Variants in MALRD1 observed in about 807,000 individuals in gnomAD.
MALRD1 encodes MAM and LDL-receptor class A domain-containing protein 1.
Under a neutral mutation model 242.1 loss-of-function variants are expected in MALRD1, and 247 were observed. That is an observed-to-expected ratio of 1.02 (90% CI 0.92 to 1.13). MALRD1 has a LOEUF of 1.13. MALRD1 is among the 50% of genes most tolerant of loss of function. The pLI is 0.00. For synonymous variants in MALRD1, 995 were observed against 866.6 expected (o/e 1.15, Z -2.60); for missense variants, 2,989 against 2,533.1 (o/e 1.18, Z -3.86).
At position 19,082,371 on chromosome 10, in the gene MALRD1, GTTA is replaced by G. The variant is rs569990245; in HGVS notation, c.341-5460_341-5458del. On this transcript the variant is annotated intron_variant, in intron 2 of 39. Coordinates refer to ENST00000454679, the MANE Select transcript of MALRD1 (RefSeq NM_001142308.3). ...ATTACATATTGTGCCCATAGCCTAA[GTTA>G]TTATTATTGATTTTTATCAGTTATA... is the stretch of plus-strand genomic sequence containing the variant. Among the ~76,000 whole-genome samples the G allele has an allele frequency of 3.1e-3, 469 of 151,456 alleles. 2 individuals are homozygous for G. Among genetic ancestry groups the G allele is most frequent in the Non-Finnish European group, 5.2e-3 (352 of 67,812 alleles).
chr10:19,727,372 G>C (rs1030208445), intron 38 of MALRD1, among the ~76,000 whole-genome samples: 1 of 151,948 alleles, frequency 6.6e-6, no homozygotes, highest in African/African-American at 2.4e-5. Flanking sequence ...AAACAATGTT[G>C]TCAGTTAATA....
At chr10:19,244,641 T>G (rs1838959428) in intron 18 of MALRD1, among the ~76,000 whole-genome samples, 1 of 152,164 alleles carries the variant, frequency 6.6e-6, no homozygotes, top group Non-Finnish European at 1.5e-5. Flanking sequence ...CCAAGGCTAA[T>G]GACTTTTAAA....
chr10:19,476,697 A>G (rs1470348143), intron 29 of MALRD1, among the ~76,000 whole-genome samples: 1 of 152,210 alleles, frequency 6.6e-6, no homozygotes, highest in Admixed American at 6.5e-5. Flanking sequence ...ATCTCGAACC[A>G]GGATATACAT....
chr10:19,436,618 T>C (rs190877782), intron 28 of MALRD1, among the ~76,000 whole-genome samples: 2 of 152,258 alleles, frequency 1.3e-5, no homozygotes, highest in East Asian at 3.9e-4. Flanking sequence ...TTCCCTTTAG[T>C]TTTACAGACT....
intron 36 of MALRD1, among the ~76,000 whole-genome samples, chr10:19,653,168 T>C (rs1232091604): frequency 6.6e-6 from 1 of 152,138 alleles, no homozygotes; most frequent in African/African-American, 2.4e-5. Flanking sequence ...TCAGTTTCCA[T>C]CTCTTGCTGA....
intron 29 of MALRD1, among the ~76,000 whole-genome samples, chr10:19,461,562 G>C (rs558197668): frequency 6.6e-6 from 1 of 152,148 alleles, no homozygotes; most frequent in African/African-American, 2.4e-5. Context: ...TAAAAAGTGA[G>C]AGGGGGTAGG....
chr10:19,442,904 C>T (rs576847299), intron 28 of MALRD1, among the ~76,000 whole-genome samples: 1 of 152,282 alleles, frequency 6.6e-6, no homozygotes, highest in South Asian at 2.1e-4. Context: ...ATACCAGCTC[C>T]TCTTTGTACC....
intron 19 of MALRD1, among the ~76,000 whole-genome samples, chr10:19,259,505 A>G (rs570785374): frequency 6.6e-6 from 1 of 152,216 alleles, no homozygotes; most frequent in African/African-American, 2.4e-5. Flanking sequence ...GAGTGTGTAC[A>G]GGGTAACTCC....
At chr10:19,065,312 AAGAAAGAAAG>A (rs796640364) in intron 1 of MALRD1, among the ~76,000 whole-genome samples, 43 of 147,744 alleles carry the variant, frequency 2.9e-4, no homozygotes, top group African/African-American at 9.0e-4. Flanking sequence ...AAAAAAAAGG[AAGAAAGAAAG>A]AGAAAGAAAG....
At chr10:19,700,873 C>T (rs1833591545) in intron 38 of MALRD1, among the ~76,000 whole-genome samples, 1 of 152,098 alleles carries the variant, frequency 6.6e-6, no homozygotes, top group Non-Finnish European at 1.5e-5. Context: ...GAAGGATTCC[C>T]TCAGGCTGGG....
In MALRD1 at chr10:19,648,226, A is replaced by G. The variant is rs114324452; in HGVS notation, c.6137+32303A>G. On this transcript the variant is annotated intron_variant, in intron 36 of 39. Transcript: ENST00000454679. ...TGACAGGTGTTGGAAGTCCAACATG[A>G]CCAAATAGAAAGATCTTATTAACAC... 2.9e-3 allele frequency among the ~76,000 whole-genome samples: 441 copies of G among 152,324 alleles called. 2 individuals are homozygous for G. Among genetic ancestry groups the G allele is most frequent in the African/African-American group, 0.01 (418 of 41,568 alleles).
At chr10:19,677,864 C>T (rs1249505086) in intron 36 of MALRD1, among the ~76,000 whole-genome samples, 2 of 152,008 alleles carry the variant, frequency 1.3e-5, no homozygotes, top group East Asian at 3.8e-4. Context: ...TAAAAGGGGT[C>T]CAGTTTCAAT....
At chr10:19,619,082 T>C (rs778030065) in intron 36 of MALRD1, among the ~76,000 whole-genome samples, 2 of 152,080 alleles carry the variant, frequency 1.3e-5, no homozygotes, top group African/African-American at 2.4e-5. Context: ...TTTTATTTGG[T>C]TATCTCCTAG....
intron 7 of MALRD1, among the ~76,000 whole-genome samples, chr10:19,125,290 T>TTTCCTTCCTTCCTTCC (rs202203495): frequency 4.3e-5 from 3 of 69,104 alleles, no homozygotes; most frequent in African/African-American, 1.4e-4. Flanking sequence ...TCTTTCTTTC[T>TTTCCTTCCTTCCTTCC]TTCCTTCCTT....
chr10:19,644,528 T>A (rs1045729352), intron 36 of MALRD1, among the ~76,000 whole-genome samples: 1 of 1,270 alleles, frequency 7.9e-4, no homozygotes, highest in Non-Finnish European at 2.0e-3. Flanking sequence ...ACTTTATCCT[T>A]CCATACAAGA....
chr10:19,297,513 T>A (rs1359391976), intron 21 of MALRD1, among the ~76,000 whole-genome samples: 1 of 151,900 alleles, frequency 6.6e-6, no homozygotes, highest in African/African-American at 2.4e-5. Flanking sequence ...TGGCTATTTT[T>A]AAGACTTTTC....
At chr10:19,380,718 C>A (rs1336917621) in intron 26 of MALRD1, among the ~76,000 whole-genome samples, 1 of 152,052 alleles carries the variant, frequency 6.6e-6, no homozygotes, top group East Asian at 1.9e-4. Flanking sequence ...TCCTCTCTAT[C>A]CATTTACTTG....
At chr10:19,676,450 A>G (rs866167211) in intron 36 of MALRD1, among the ~76,000 whole-genome samples, 3 of 152,206 alleles carry the variant, frequency 2.0e-5, no homozygotes, top group African/African-American at 7.2e-5. Context: ...GAATTTGGAC[A>G]TATTTTTTAA....
intron 1 of MALRD1, among the ~76,000 whole-genome samples, chr10:19,058,284 C>T (rs965283401): frequency 2.6e-5 from 4 of 152,178 alleles, no homozygotes; most frequent in African/African-American, 7.2e-5. Flanking sequence ...GTTTTTATTA[C>T]ATACAACAAA....
Sources: allele counts gnomAD v4.1 joint callset (sites outside exome capture counted in the v4.1 genomes callset), GRCh38; gene constraint gnomAD v4.1.1; transcripts MANE v1.5; gene names NCBI Gene and HGNC (gene_info 2026-07-23, HGNC 2026-07-21).